Variants in AK5 observed in about 807,000 individuals in gnomAD.
The protein encoded by AK5 is adenylate kinase isoenzyme 5.
A neutral mutation model predicts 69.5 loss-of-function variants in AK5; 27 were observed. The ratio of observed to expected loss-of-function variants is 0.39; its 90% CI spans 0.29 to 0.54. AK5 has a LOEUF of 0.54. Ranked by LOEUF, AK5 falls within the 20% of genes least tolerant of loss-of-function variation. The pLI, the probability that AK5 is intolerant of heterozygous loss-of-function variation, is 0.71. For missense variants in AK5, 531 were observed against 700.4 expected (o/e 0.76, Z 2.73); for synonymous variants, 260 against 244.4 (o/e 1.06, Z -0.60).
chr1:77,477,970 G>A (rs972777862), intron 8 of AK5, among the ~76,000 whole-genome samples: 4 of 152,092 alleles, frequency 2.6e-5, no homozygotes, highest in Non-Finnish European at 5.9e-5. Flanking sequence ...AAACCAAAAC[G>A]GTTTAAGGAA....
At chr1:77,514,998 C>G (rs1169704454) in intron 10 of AK5, among the ~76,000 whole-genome samples, 1 of 152,204 alleles carries the variant, frequency 6.6e-6, no homozygotes, top group African/African-American at 2.4e-5. Flanking sequence ...CACCACTTCT[C>G]CAGAGTGGCC....
intron 8 of AK5, among the ~76,000 whole-genome samples, chr1:77,427,151 T>C (rs944006858): frequency 9.9e-5 from 15 of 151,404 alleles, no homozygotes; most frequent in African/African-American, 3.6e-4. Flanking sequence ...CTAATAAAAA[T>C]TAAAGCAGAA....
intron 5 of AK5, among the ~76,000 whole-genome samples, chr1:77,317,194 G>A (rs1660287796): frequency 6.6e-6 from 1 of 152,108 alleles, no homozygotes; most frequent in African/African-American, 2.4e-5. Flanking sequence ...GAACAGCTGA[G>A]GCTCCTCAGG....
chr1:77,385,769 A>G (rs1405226509), intron 6 of AK5, among the ~76,000 whole-genome samples: 1 of 152,226 alleles, frequency 6.6e-6, no homozygotes, highest in Non-Finnish European at 1.5e-5. Flanking sequence ...ACCACAGAAC[A>G]GGAACAGGAT....
chr1:77,429,211 C>T (rs1266822677), intron 8 of AK5, among the ~76,000 whole-genome samples: 2 of 152,184 alleles, frequency 1.3e-5, no homozygotes, highest in African/African-American at 4.8e-5. Context: ...AGTTTACAAT[C>T]CCACCAACAG....
At chr1:77,457,904 T>C (rs901360832) in intron 8 of AK5, among the ~76,000 whole-genome samples, 26 of 152,082 alleles carry the variant, frequency 1.7e-4, no homozygotes, top group African/African-American at 6.3e-4. Context: ...CACAAATTTA[T>C]CATCTTATAG....
chr1:77,400,493 T>C (rs755756927), intron 6 of AK5, among the ~76,000 whole-genome samples: 1 of 152,190 alleles, frequency 6.6e-6, no homozygotes, highest in Non-Finnish European at 1.5e-5. Flanking sequence ...TAGTAGTTGT[T>C]CAGTAAATGG....
chr1:77,555,313 G>T (rs12030935), intron 13 of AK5, among the ~76,000 whole-genome samples: 1 of 152,068 alleles, frequency 6.6e-6, no homozygotes, highest in Non-Finnish European at 1.5e-5. Flanking sequence ...CAATTCTTAC[G>T]TGGTTCCTCA....
chr1:77,394,063 A>G (rs1250679223), intron 6 of AK5, among the ~76,000 whole-genome samples: 1 of 151,878 alleles, frequency 6.6e-6, no homozygotes, highest in Non-Finnish European at 1.5e-5. Context: ...AAAAATACAA[A>G]AATTAACTGG....
rs1557535449 is a variant in AK5 at position 77,368,242 on chromosome 1, TATA to T, written c.891+27675_891+27677del. Among the ~76,000 whole-genome samples the T allele has an allele frequency of 5.5e-4, 7 of 12,726 alleles. 1 individual carries two copies. The highest frequency in any genetic ancestry group is 7.9e-3 in the East Asian group (1 of 126). The allele number at this position is 12,726 out of a possible 152,430, so 8.3% of individuals were successfully genotyped here. On this transcript the variant is annotated intron_variant, in intron 6 of 13. Transcript: ENST00000354567. Reference sequence around the variant, plus strand: ...ATATATATATATATATATATATATATATATATATATAATATATATGTTATATAT... The same window carrying T: ...ATATATATATATATATATATATATATTATATATAATATATATGTTATATAT...
At chr1:77,531,553 A>G (rs991922792) in intron 12 of AK5, among the ~76,000 whole-genome samples, 2 of 152,084 alleles carry the variant, frequency 1.3e-5, no homozygotes, top group African/African-American at 4.8e-5. Context: ...TGGTGCATTC[A>G]CAAACCCTGA....
At chr1:77,368,653 G>A (rs762213013) in intron 6 of AK5, among the ~76,000 whole-genome samples, 5 of 152,110 alleles carry the variant, frequency 3.3e-5, no homozygotes, top group South Asian at 4.2e-4. Context: ...AATGTGTTCC[G>A]TGTAGCTAAG....
chr1:77,462,904 A>C (rs926381603), intron 8 of AK5, among the ~76,000 whole-genome samples: 8 of 152,168 alleles, frequency 5.3e-5, no homozygotes, highest in African/African-American at 1.7e-4. Flanking sequence ...ATAAAGTGGA[A>C]GCTCTGCAAT....
chr1:77,486,140 T>C (rs1156985526), intron 9 of AK5, among the ~76,000 whole-genome samples, 168 bp from the exon 10 acceptor site: 1 of 151,998 alleles, frequency 6.6e-6, no homozygotes, highest in African/African-American at 2.4e-5. Flanking sequence ...ACAAAAACAC[T>C]GAAATGGTCA....
chr1:77,400,126 G>A (rs1036927981), intron 6 of AK5, among the ~76,000 whole-genome samples: 1 of 152,188 alleles, frequency 6.6e-6, no homozygotes, highest in Non-Finnish European at 1.5e-5. Flanking sequence ...TCAGTATATT[G>A]CATCTGGACC....
intron 8 of AK5, among the ~76,000 whole-genome samples, chr1:77,464,772 C>A (rs1654040585): frequency 1.3e-5 from 2 of 152,058 alleles, no homozygotes; most frequent in South Asian, 4.1e-4. Flanking sequence ...GGAGAATGGA[C>A]TGAAGTGGAG....
At chr1:77,362,472 G>A (rs1359173643) in intron 6 of AK5, among the ~76,000 whole-genome samples, 1 of 152,052 alleles carries the variant, frequency 6.6e-6, no homozygotes, top group Non-Finnish European at 1.5e-5. Flanking sequence ...GCCACCGGAA[G>A]GATCACTATG....
intron 8 of AK5, among the ~76,000 whole-genome samples, chr1:77,426,589 A>G (rs2647519): frequency 0.93 from 141,503 of 152,232 alleles, 65,874 homozygotes; most frequent in East Asian, 0.97. Flanking sequence ...AAGAAAATCA[A>G]TAAGGTTGTA....
At chr1:77,321,460 G>A (rs148134455) in intron 5 of AK5, among the ~76,000 whole-genome samples, 221 of 151,370 alleles carry the variant, frequency 1.5e-3, no homozygotes, top group Non-Finnish European at 2.7e-3. Context: ...TAGATAGAGC[G>A]AGACTCCGTC....
Sources: gnomAD v4.1 joint callset for allele counts (sites outside exome capture counted in the v4.1 genomes callset) on GRCh38, gnomAD v4.1.1 for gene constraint, MANE v1.5 for transcripts, NCBI Gene and HGNC (gene_info 2026-07-23, HGNC 2026-07-21) for gene names.